Variants in PTPRN2 observed in about 807,000 individuals in gnomAD.
PTPRN2 encodes protein tyrosine phosphatase receptor type N2.
A neutral mutation model predicts 118.8 loss-of-function variants in PTPRN2; 74 were observed. The observed-to-expected ratio is 0.62, with a 90% CI of 0.52 to 0.76. PTPRN2 has a LOEUF of 0.76. Ranked by LOEUF, PTPRN2 falls within the 30% of genes least tolerant of loss-of-function variation. PTPRN2 has a pLI of 0.00. For synonymous variants in PTPRN2, 641 were observed against 608.0 expected, an observed-to-expected ratio of 1.05 and a Z score of -0.80; for missense variants, 1,481 against 1,394.4, an observed-to-expected ratio of 1.06 and a Z score of -0.99.
At chr7:158,580,936 A>G (rs1358461317) in intron 1 of PTPRN2, among the ~76,000 whole-genome samples, 1 of 152,194 alleles carries the variant, frequency 6.6e-6, no homozygotes, top group Non-Finnish European at 1.5e-5. Context: ...AGGCACACCA[A>G]ATATTTGAAT....
Position 157,561,926 on chromosome 7 carries a change from G to A in PTPRN2, c.2902+6976C>T, listed in dbSNP as rs115588949. ...AGCGTGGATCCAGCATGCAGTGGAC[G>A]CTGCCCTGCCATCAGCTGGAGCCAC... is the stretch of plus-strand genomic sequence containing the variant. On this transcript the variant is annotated intron_variant, in intron 21 of 22. Transcript: ENST00000389418. Among the ~76,000 whole-genome samples, 390 of 152,336 alleles carry A rather than the reference G, an allele frequency of 2.6e-3. 1 individual carries two copies. Among genetic ancestry groups the A allele is most frequent in the African/African-American group, 8.7e-3 (361 of 41,574 alleles).
chr7:158,119,960 G>A (rs533011753), intron 9 of PTPRN2, among the ~76,000 whole-genome samples: 8 of 152,256 alleles, frequency 5.3e-5, no homozygotes, highest in African/African-American at 1.9e-4. Flanking sequence ...GAAGGGCCTA[G>A]TGATGGACAA....
At chr7:158,149,443 A>T (rs933471858) in intron 6 of PTPRN2, among the ~76,000 whole-genome samples, 1 of 102,496 alleles carries the variant, frequency 9.8e-6, no homozygotes, top group Non-Finnish European at 1.8e-5. Flanking sequence ...TCAAGAGGTA[A>T]AAAAAAAAAA....
At chr7:158,337,782 C>A (rs1169822371) in intron 2 of PTPRN2, among the ~76,000 whole-genome samples, 1 of 28,850 alleles carries the variant, frequency 3.5e-5, no homozygotes, top group African/African-American at 1.1e-4. Context: ...GTCACTCACA[C>A]CCACACTCTC....
chr7:158,204,014 C>T (rs912062718), intron 4 of PTPRN2, among the ~76,000 whole-genome samples: 15 of 150,998 alleles, frequency 9.9e-5, no homozygotes, highest in African/African-American at 3.7e-4. Flanking sequence ...AAAGACGCAG[C>T]CCCTGCCCTC....
At chr7:157,775,476 G>A (rs1803145849) in intron 12 of PTPRN2, among the ~76,000 whole-genome samples, 1 of 152,270 alleles carries the variant, frequency 6.6e-6, no homozygotes, top group South Asian at 2.1e-4. Flanking sequence ...ACAGGGCGGA[G>A]GCGGCAGCGT....
chr7:158,247,226 C>T (rs1046043114), intron 3 of PTPRN2, among the ~76,000 whole-genome samples: 4 of 152,182 alleles, frequency 2.6e-5, no homozygotes, highest in Non-Finnish European at 4.4e-5. Flanking sequence ...CCGAGGCGCA[C>T]GCTGGGCTCT....
At chr7:157,737,167 C>T (rs375937527) in intron 12 of PTPRN2, among the ~76,000 whole-genome samples, 136 of 152,356 alleles carry the variant, frequency 8.9e-4, no homozygotes, top group African/African-American at 3.1e-3. Context: ...CATGAAGCTT[C>T]GGTACACACG....
rs554185986 is a variant in PTPRN2, at chr7:157,562,172, C to T, written c.2902+6730G>A. On this transcript the variant is annotated intron_variant, in intron 21 of 22. Coordinates refer to ENST00000389418, the MANE Select transcript of PTPRN2 (RefSeq NM_002847.5). ...GTTGCCCAGGGCTCTGGGGACAGCT[C>T]GCCCAGGGCTCTGGGGACAGCTCCA... Among the ~76,000 whole-genome samples the T allele has an allele frequency of 6.6e-5, 10 of 152,286 alleles. 1 individual carries two copies. The South Asian group carries it at 1.2e-3, about 19-fold the overall frequency.
In PTPRN2 at chr7:158,396,615, G is replaced by A. The variant is rs563664736; in HGVS notation, c.164-79683C>T. On this transcript the variant is annotated intron_variant, in intron 2 of 22. Transcript: ENST00000389418. ...TAGAGGCCACCCAGAGCTCTGAAGG[G>A]GGCACTCAGGGAACTGGGGCAGCTC... Among the ~76,000 whole-genome samples, 3 of 151,550 alleles carry A rather than the reference G, an allele frequency of 2.0e-5. No homozygotes were observed. The South Asian group carries it at 6.3e-4, about 32-fold the overall frequency.
At chr7:157,847,477 C>T (rs1374017688) in intron 12 of PTPRN2, among the ~76,000 whole-genome samples, 4 of 148,240 alleles carry the variant, frequency 2.7e-5, no homozygotes, top group African/African-American at 5.0e-5. Flanking sequence ...CATGCGTGCC[C>T]GATGTCTACA....
At chr7:158,192,085 G>A (rs1050781995) in intron 5 of PTPRN2, among the ~76,000 whole-genome samples, 6 of 152,172 alleles carry the variant, frequency 3.9e-5, no homozygotes, top group African/African-American at 1.4e-4. Context: ...ACGACACCTT[G>A]TCCCAAGAAA....
At chr7:157,633,912 G>A (rs1388289656) in intron 14 of PTPRN2, among the ~76,000 whole-genome samples, 4 of 152,210 alleles carry the variant, frequency 2.6e-5, no homozygotes, top group Admixed American at 6.5e-5. Flanking sequence ...TGATGGTGGC[G>A]CTTTTGGAAG....
chr7:157,901,799 G>A (rs182353447), intron 11 of PTPRN2, among the ~76,000 whole-genome samples: 24 of 98,548 alleles, frequency 2.4e-4, no homozygotes, highest in African/African-American at 6.3e-4. Flanking sequence ...GTGTTTCCTG[G>A]GTCCTGAGGC....
At position 158,288,186 on chromosome 7, in the gene PTPRN2, A is replaced by C. The variant is rs1269383126; in HGVS notation, c.277+28633T>G. Among the ~76,000 whole-genome samples the C allele has an allele frequency of 2.0e-5, 3 of 152,112 alleles. No homozygotes were observed. In the East Asian group the frequency reaches 5.8e-4, roughly 29 times the overall value. On this transcript the variant is annotated intron_variant, in intron 3 of 22. Coordinates refer to ENST00000389418, the MANE Select transcript of PTPRN2 (RefSeq NM_002847.5). ...TTCGCTTTCAGTCTATGTCCTTAAA[A>C]GTGAAGGGAATCTCTTGTAGGTAGC...
At chr7:158,359,457 C>A (rs925102129) in intron 2 of PTPRN2, among the ~76,000 whole-genome samples, 3 of 152,088 alleles carry the variant, frequency 2.0e-5, no homozygotes, top group Admixed American at 2.0e-4. Context: ...GCCGGGGGGA[C>A]CCAGCTGGAG....
Position 158,267,490 on chromosome 7 carries a change from G to A in PTPRN2, c.277+49329C>T, listed in dbSNP as rs553618379. ...ACAGAGGAATTCCAGGTGTCAAAGC[G>A]ATAGGAATTCAGGGAGATGATGGAC... On this transcript the variant is annotated intron_variant, in intron 3 of 22. Transcript: ENST00000389418. Among the ~76,000 whole-genome samples the A allele has an allele frequency of 3.9e-5, 6 of 152,252 alleles. No individual in the cohort carries two copies. The South Asian group carries it at 6.2e-4, about 16-fold the overall frequency.
At chr7:158,345,144 A>G (rs768266691) in intron 2 of PTPRN2, among the ~76,000 whole-genome samples, 2 of 152,166 alleles carry the variant, frequency 1.3e-5, no homozygotes, top group Non-Finnish European at 2.9e-5. Context: ...AGTCCACGTG[A>G]CTGATGGTCT....
chr7:157,766,796 T>C (rs1173059034), intron 12 of PTPRN2, among the ~76,000 whole-genome samples: 2 of 152,230 alleles, frequency 1.3e-5, no homozygotes, highest in Non-Finnish European at 2.9e-5. Context: ...CAGGGCCACT[T>C]TGCAGGTGGC....
Sources: allele counts gnomAD v4.1 joint callset (sites outside exome capture counted in the v4.1 genomes callset), GRCh38; gene constraint gnomAD v4.1.1; transcripts MANE v1.5; gene names NCBI Gene and HGNC (gene_info 2026-07-23, HGNC 2026-07-21).